The following RTTN variants were observed in gnomAD, a reference collection of about 807,000 sequenced individuals.
RTTN encodes the protein rotatin.
RTTN carries 182 observed loss-of-function variants against 269.2 expected under a neutral mutation model. That is an observed-to-expected ratio of 0.68 (90% CI 0.60 to 0.76). RTTN has a LOEUF of 0.76. RTTN is among the 30% of genes least tolerant of loss of function. The pLI is 0.00. For synonymous variants in RTTN, 1,006 were observed against 963.5 expected (o/e 1.04, Z -0.82); for missense variants, 2,545 against 2,608.6 (o/e 0.98, Z 0.53).
chr18:70,155,026 G>T lies in RTTN; in HGVS notation c.1930-4293C>A, dbSNP rs562514499. On this transcript the variant is annotated intron_variant, in intron 14 of 48. Transcript: ENST00000640769. Reference sequence around the variant, plus strand: ...GAAGGAGGCTCCTGCAACTTCCTGTGATATCTAAGCCCACCTAACCCCAAT... The same window carrying T: ...GAAGGAGGCTCCTGCAACTTCCTGTTATATCTAAGCCCACCTAACCCCAAT... 2.0e-5 allele frequency among the ~76,000 whole-genome samples: 3 copies of T among 152,262 alleles called. No individual in the cohort carries two copies. In the East Asian group the frequency reaches 5.8e-4, roughly 29 times the overall value.
intron 43 of RTTN, among the ~76,000 whole-genome samples, chr18:70,025,210 C>T (rs1450303715): frequency 1.3e-5 from 2 of 152,206 alleles, no homozygotes; most frequent in Non-Finnish European, 2.9e-5. Context: ...AGTAAACATT[C>T]TGATCAACTC....
Position 70,195,784 on chromosome 18 carries a change from G to T in RTTN, c.841+717C>A, listed in dbSNP as rs550844132. ...TTTCTGTTGAAGTATGGGGTACCCA[G>T]ACGTTCTCTATTACCAGTCATTTGT... On this transcript the variant is annotated intron_variant, in intron 7 of 48. Coordinates refer to ENST00000640769, the MANE Select transcript of RTTN (RefSeq NM_173630.4). Among the ~76,000 whole-genome samples the T allele has an allele frequency of 2.0e-5, 3 of 152,322 alleles. No individual in the cohort carries two copies. The South Asian group carries it at 6.2e-4, about 32-fold the overall frequency.
At chr18:70,192,704 T>G (rs913206842) in intron 8 of RTTN, among the ~76,000 whole-genome samples, 2 of 151,482 alleles carry the variant, frequency 1.3e-5, no homozygotes, top group Non-Finnish European at 2.9e-5. Flanking sequence ...AAAATCTGTA[T>G]TTACACAAAC....
rs1302674418 is a variant in RTTN at position 70,139,660 on chromosome 18, AC to A, written c.2726del (p.Gly909ValfsTer16). On this transcript the variant is annotated frameshift_variant, in exon 21 of 49. Transcript: ENST00000640769. LOFTEE classifies it high-confidence loss of function. ...AGAGCGAAACACGCATGACTGGATC[AC>A]CACATAAAACCTTCCTCAAGAGTGT... is the stretch of plus-strand genomic sequence containing the variant. Reference protein sequence around the residue: ...CLTLLRKVLCGDPVMRVSLSQ... With the variant: ...CLTLLRKVLCXDPVMRVSLSQ... 8.7e-6 allele frequency: 14 copies of A among 1,613,538 alleles called. No individual in the cohort carries two copies. The highest frequency in any genetic ancestry group is 1.2e-5 in the Non-Finnish European group (14 of 1,179,676).
Position 70,114,531 on chromosome 18 carries a change from G to T in RTTN, c.3597C>A (p.Ile1199=). Residue 1199 remains isoleucine, a synonymous_variant, in exon 27 of 49, where the codon ATC becomes ATA. Transcript: ENST00000640769. ...GAAGTTGTTGCCTGACAGCAGTCCG[G>T]ATATCATCTGTTTCTTCTCGTGCCT... is the stretch of plus-strand genomic sequence containing the variant. ...ESQAREETDD[I]RTAVRQQLQK... 6.2e-7 allele frequency: 1 copy of T among 1,613,704 alleles called. No homozygotes were observed. Among genetic ancestry groups the T allele is most frequent in the Non-Finnish European group, 8.5e-7 (1 of 1,179,676 alleles).
chr18:70,046,573 G>A (rs1253259243), intron 40 of RTTN, among the ~76,000 whole-genome samples: 1 of 152,192 alleles, frequency 6.6e-6, no homozygotes, highest in African/African-American at 2.4e-5. Context: ...TAATCATTGG[G>A]AAATAAAGTC....
intron 28 of RTTN, among the ~76,000 whole-genome samples, chr18:70,103,333 AAAAG>A (rs1207771533): frequency 2.0e-5 from 3 of 151,904 alleles, no homozygotes; most frequent in African/African-American, 7.3e-5. Flanking sequence ...AAATGTGGGG[AAAAG>A]AAAGAGAGAT....
intron 40 of RTTN, among the ~76,000 whole-genome samples, chr18:70,037,342 C>T (rs751944665): frequency 1.3e-5 from 2 of 152,140 alleles, no homozygotes; most frequent in Admixed American, 6.5e-5. Context: ...CCAGGCAGTG[C>T]GGCTCGCAGC....
rs1401738491 is a variant in RTTN, at chr18:70,051,524, T to C, written c.5210A>G (p.Tyr1737Cys). Reference protein sequence around the residue: ...VLDKELISAFYHTWTHLFNLL... With the variant: ...VLDKELISAFCHTWTHLFNLL... ...ATTAAATAAATGTGTCCATGTGTGA[T>C]AAAAAGCTGATATTAACTCTTTATC... The change falls in exon 39 of 49, where the codon TAT becomes TGT. Residue 1737 changes from tyrosine to cysteine, a missense_variant. Transcript: ENST00000640769. 3.1e-6 allele frequency: 5 copies of C among 1,607,444 alleles called. No homozygotes were observed. Among genetic ancestry groups the C allele is most frequent in the Non-Finnish European group, 2.6e-6 (3 of 1,175,476 alleles).
At chr18:70,036,359 C>T (rs188234880) in intron 40 of RTTN, among the ~76,000 whole-genome samples, 255 of 152,308 alleles carry the variant, frequency 1.7e-3, no homozygotes, top group Non-Finnish European at 1.7e-3. Flanking sequence ...GAATACTATG[C>T]AGCCATAAAA....
rs755795556 is a variant in RTTN, at chr18:70,204,083, T to C, written c.397+3A>G. On this transcript the variant is annotated splice_donor_region_variant and intron_variant, in intron 3 of 48. Coordinates refer to ENST00000640769, the MANE Select transcript of RTTN (RefSeq NM_173630.4). The stretch of plus-strand genomic sequence containing the variant: ...TTGTATTTAACAGATTCCAAAGAGT[T>C]ACCAGTTTGATTGGTTTGGTATGAG... 51 of 1,589,696 alleles carry C rather than the reference T, an allele frequency of 3.2e-5. No homozygotes were observed. Among genetic ancestry groups the C allele is most frequent in the Non-Finnish European group, 4.2e-5 (49 of 1,162,710 alleles).
chr18:70,205,460 G>A, intron 1 of RTTN, 145 bp from the exon 2 acceptor site: 2 of 1,361,170 alleles, frequency 1.5e-6, no homozygotes, highest in Non-Finnish European at 2.0e-6. Flanking sequence ...CGCGAACCGC[G>A]AAGTTTACAC....
chr18:70,054,057 A>G, intron 38 of RTTN, 74 bp downstream of exon 38: 1 of 1,245,580 alleles, frequency 8.0e-7, no homozygotes, highest in Non-Finnish European at 1.1e-6. Context: ...CTTCAAGTGA[A>G]TATCTGAAAC....
At chr18:70,004,403 T>C (rs923123944) in intron 48 of RTTN, among the ~76,000 whole-genome samples, 167 bp from the exon 49 acceptor site, 3 of 152,162 alleles carry the variant, frequency 2.0e-5, no homozygotes, top group Non-Finnish European at 2.9e-5. Context: ...TTTTAAAAAA[T>C]AAACAAGTTA....
chr18:70,103,105 C>T (rs866007812), intron 28 of RTTN, among the ~76,000 whole-genome samples: 11 of 144,792 alleles, frequency 7.6e-5, no homozygotes, highest in South Asian at 2.2e-4. Context: ...ATGTGAGGAG[C>T]GCCTCTGCCC....
chr18:70,172,666 G>A (rs1444329756), intron 11 of RTTN, among the ~76,000 whole-genome samples: 1 of 150,902 alleles, frequency 6.6e-6, no homozygotes, highest in Non-Finnish European at 1.5e-5. Flanking sequence ...TTTTAAAAAC[G>A]GAAACAATAA....
At chr18:70,133,921 C>T (rs1420261527) in intron 23 of RTTN, among the ~76,000 whole-genome samples, 2 of 152,130 alleles carry the variant, frequency 1.3e-5, no homozygotes, top group East Asian at 3.9e-4. Context: ...CAATGCAGAA[C>T]CTTAACTGGT....
intron 46 of RTTN, among the ~76,000 whole-genome samples, chr18:70,011,442 A>G (rs904559938): frequency 1.1e-4 from 17 of 152,220 alleles, no homozygotes; most frequent in African/African-American, 3.9e-4. Context: ...AACATACACA[A>G]ATCAATAAAA....
rs2145245084 is a variant in RTTN, at chr18:70,092,732, T to C, written c.3976A>G (p.Thr1326Ala). ...SFMGKGVTKS[T>A]ILCLLHLSHE... is the part of the protein sequence containing the mutation. ...GATAAGTGAAGCAAGCAAAGAATTG[T>C]GCTCTTTGTAACACCTTTTCCCATG... Residue 1326 changes from threonine (T) to alanine (A), a missense_variant, in exon 29 of 49, where the codon ACA (threonine) becomes GCA (alanine). Coordinates refer to ENST00000640769, the MANE Select transcript of RTTN (RefSeq NM_173630.4). 3 of 1,613,846 alleles carry C rather than the reference T, an allele frequency of 1.9e-6. No individual in the cohort carries two copies. The highest frequency in any genetic ancestry group is 2.2e-5 in the East Asian group (1 of 44,882).
Sources: gnomAD v4.1 joint callset for allele counts (sites outside exome capture counted in the v4.1 genomes callset) on GRCh38, gnomAD v4.1.1 for gene constraint, MANE v1.5 for transcripts, NCBI Gene and HGNC (gene_info 2026-07-23, HGNC 2026-07-21) for gene names.